SLC39A11: variants seen among roughly 807,000 people sequenced by gnomAD.
SLC39A11 encodes zinc transporter ZIP11.
In SLC39A11, 33 loss-of-function variants were observed where a neutral mutation model predicts 36.1. The ratio of observed to expected loss-of-function variants is 0.91; its 90% CI spans 0.69 to 1.22. The LOEUF (loss-of-function observed/expected upper bound fraction) is 1.22. Among genes scored for constraint, SLC39A11 ranks in the 50% most tolerant of loss-of-function variants. SLC39A11 has a pLI of 0.00. For synonymous variants in SLC39A11, 166 were observed against 170.3 expected, an observed-to-expected ratio of 0.97 and a Z score of 0.20; for missense variants, 432 against 430.3, an observed-to-expected ratio of 1.00 and a Z score of -0.03.
At chr17:72,680,389 C>T (rs1272711698) in intron 7 of SLC39A11, among the ~76,000 whole-genome samples, 1 of 152,180 alleles carries the variant, frequency 6.6e-6, no homozygotes, top group Admixed American at 6.5e-5. Context: ...CCATAATTCC[C>T]ATATGTCACG....
intron 4 of SLC39A11, among the ~76,000 whole-genome samples, chr17:72,987,973 C>A (rs368569158): frequency 6.6e-6 from 1 of 152,152 alleles, no homozygotes; most frequent in Non-Finnish European, 1.5e-5. Context: ...AAGAGAGCCA[C>A]GTAAAAGTCA....
chr17:72,979,440 G>C (rs2088125690), intron 4 of SLC39A11, among the ~76,000 whole-genome samples: 2 of 152,188 alleles, frequency 1.3e-5, no homozygotes, highest in Admixed American at 6.5e-5. Context: ...GAGCACATCT[G>C]ATCCATGGAA....
At chr17:72,843,043 G>A (rs1455455297) in intron 6 of SLC39A11, among the ~76,000 whole-genome samples, 1 of 152,138 alleles carries the variant, frequency 6.6e-6, no homozygotes, top group Non-Finnish European at 1.5e-5. Flanking sequence ...TCTGCCTCCT[G>A]GGTTCAAGTG....
intron 5 of SLC39A11, among the ~76,000 whole-genome samples, chr17:72,937,006 G>C (rs1337556936): frequency 6.6e-6 from 1 of 152,238 alleles, no homozygotes; most frequent in Non-Finnish European, 1.5e-5. Flanking sequence ...CTGCTGCCCA[G>C]GGGTTGGGGA....
intron 4 of SLC39A11, among the ~76,000 whole-genome samples, chr17:73,008,938 G>C (rs112309192): frequency 0.011 from 1,699 of 151,910 alleles, 28 homozygotes; most frequent in African/African-American, 0.039. Context: ...GCACATGCCT[G>C]TAGTCCCAGC....
At chr17:72,671,275 T>C (rs1488951719) in intron 7 of SLC39A11, among the ~76,000 whole-genome samples, 1 of 152,182 alleles carries the variant, frequency 6.6e-6, no homozygotes, top group Non-Finnish European at 1.5e-5. Flanking sequence ...ACTTCTCCTT[T>C]CTGCCAATAA....
At chr17:72,951,261 C>CCAAAAA (rs2085842715) in intron 4 of SLC39A11, among the ~76,000 whole-genome samples, 1 of 86,992 alleles carries the variant, frequency 1.1e-5, no homozygotes, top group Non-Finnish European at 2.3e-5. Context: ...GACCCTGTTG[C>CCAAAAA]AAAAAAAAAA....
At chr17:72,684,161 C>A (rs1240238649) in intron 7 of SLC39A11, among the ~76,000 whole-genome samples, 1 of 152,160 alleles carries the variant, frequency 6.6e-6, no homozygotes, top group African/African-American at 2.4e-5. Flanking sequence ...TATCCGTAGG[C>A]TCCCTGGACA....
intron 4 of SLC39A11, among the ~76,000 whole-genome samples, chr17:72,959,323 GTGTATATATATA>G (rs1555651583): frequency 0.038 from 3,103 of 81,480 alleles, 153 homozygotes; most frequent in East Asian, 0.14. Flanking sequence ...GTGTGTGTGT[GTGTATATATATA>G]TATATATATA....
chr17:72,976,579 G>A (rs530622283), intron 4 of SLC39A11, among the ~76,000 whole-genome samples: 26 of 152,330 alleles, frequency 1.7e-4, no homozygotes, highest in African/African-American at 5.5e-4. Context: ...GGCCGGGCGC[G>A]GTGGCTCACG....
chr17:73,057,763 C>A (rs2144125255), intron 3 of SLC39A11, among the ~76,000 whole-genome samples: 1 of 152,266 alleles, frequency 6.6e-6, no homozygotes, highest in South Asian at 2.1e-4. Flanking sequence ...CATGGTGAAA[C>A]CCTGTCTCTA....
At chr17:72,829,695 T>A (rs1379166598) in intron 6 of SLC39A11, among the ~76,000 whole-genome samples, 1 of 152,120 alleles carries the variant, frequency 6.6e-6, no homozygotes, top group African/African-American at 2.4e-5. Context: ...TCTGTTAAAA[T>A]CCCTTGTCTC....
Position 72,662,743 on chromosome 17 carries a change from GA to G in SLC39A11, c.672-13476del, listed in dbSNP as rs201775139. 4.8e-3 allele frequency among the ~76,000 whole-genome samples: 419 copies of G among 87,124 alleles called. 2 individuals are homozygous for G. Among genetic ancestry groups the G allele is most frequent in the South Asian group, 3.8e-3 (10 of 2,642 alleles). The allele number at this position is 87,124 out of a possible 152,430, so 57.2% of individuals were successfully genotyped here. On this transcript the variant is annotated intron_variant, in intron 7 of 9. Coordinates refer to ENST00000255559, the MANE Select transcript of SLC39A11 (RefSeq NM_139177.4). ...GAAAGAGAGAGAGAGAAAGAAAAAA[GA>G]AAAAAAGGAAGGAAAGGAAGGAAAA...
At chr17:73,072,915 C>T (rs2060207086) in intron 3 of SLC39A11, among the ~76,000 whole-genome samples, 1 of 152,230 alleles carries the variant, frequency 6.6e-6, no homozygotes, top group African/African-American at 2.4e-5. Flanking sequence ...CGCAGTGGCC[C>T]ACGCCTGTAA....
At chr17:73,050,181 T>C (rs1486303256) in intron 3 of SLC39A11, among the ~76,000 whole-genome samples, 2 of 152,078 alleles carry the variant, frequency 1.3e-5, no homozygotes, top group East Asian at 3.9e-4. Context: ...GTGGACTCCA[T>C]TTGACTTGGG....
intron 6 of SLC39A11, among the ~76,000 whole-genome samples, chr17:72,746,668 G>A (rs946152837): frequency 3.9e-5 from 6 of 152,132 alleles, no homozygotes; most frequent in Non-Finnish European, 7.3e-5. Flanking sequence ...AACCCAGGAG[G>A]CGGAGCTTGC....
intron 7 of SLC39A11, among the ~76,000 whole-genome samples, chr17:72,729,418 TA>T (rs2074074231): frequency 0.012 from 38 of 3,056 alleles, 5 homozygotes; most frequent in African/African-American, 0.034. Context: ...TATATATATA[TA>T]TATATATATA....
chr17:73,088,710 A>G lies in SLC39A11; in HGVS notation c.55T>C (p.Trp19Arg). The G allele has an allele frequency of 6.2e-7, 1 of 1,612,528 alleles. No homozygotes were observed. Among genetic ancestry groups the G allele is most frequent in the Admixed American group, 1.7e-5 (1 of 59,868 alleles). The change falls in exon 2 of 10, where the codon TGG becomes CGG. Residue 19 changes from tryptophan (W) to arginine (R), a missense_variant. Transcript: ENST00000255559. ...GCTGCCCCAGCTGCTGTCATCCCCC[A>G]GGTGAAGAAGGTCCCCAGCAAGGCC... Reference protein sequence around the residue: ...FQALLGTFFTWGMTAAGAALV... With the variant: ...FQALLGTFFTRGMTAAGAALV...
At chr17:73,014,831 C>G (rs2090720568) in intron 4 of SLC39A11, among the ~76,000 whole-genome samples, 1 of 152,166 alleles carries the variant, frequency 6.6e-6, no homozygotes, top group Non-Finnish European at 1.5e-5. Flanking sequence ...CGGCCTGCAG[C>G]AATTTCCTAT....
Sources: allele counts gnomAD v4.1 joint callset (sites outside exome capture counted in the v4.1 genomes callset), GRCh38; gene constraint gnomAD v4.1.1; transcripts MANE v1.5; gene names NCBI Gene and HGNC (gene_info 2026-07-23, HGNC 2026-07-21).